AOAH: variants seen among roughly 807,000 people sequenced by gnomAD.
AOAH encodes acyloxyacyl hydrolase (neutrophil).
A neutral mutation model predicts 92.2 loss-of-function variants in AOAH; 64 were observed. That is an observed-to-expected ratio of 0.69 (90% confidence interval 0.57 to 0.86). The LOEUF (loss-of-function observed/expected upper bound fraction) is 0.86. Among genes scored for constraint, AOAH ranks in the 40% least tolerant of loss-of-function variants. The pLI, the probability that AOAH is intolerant of heterozygous loss-of-function variation, is 0.00. For missense variants in AOAH, 656 were observed against 694.6 expected (o/e 0.94, Z 0.62); for synonymous variants, 263 against 254.5 (o/e 1.03, Z -0.32).
At chr7:36,519,395 G>C (rs1045783668) in intron 20 of AOAH, among the ~76,000 whole-genome samples, 14 of 152,162 alleles carry the variant, frequency 9.2e-5, no homozygotes, top group Admixed American at 1.3e-4. Context: ...CACTCTACTA[G>C]CTCATGGTCT....
chr7:36,641,684 C>A (rs979440032), intron 4 of AOAH, among the ~76,000 whole-genome samples: 1 of 152,144 alleles, frequency 6.6e-6, no homozygotes, highest in Non-Finnish European at 1.5e-5. Flanking sequence ...CATTATAACA[C>A]ACTCCCATGC....
At chr7:36,672,537 A>T (rs1162322283) in intron 3 of AOAH, among the ~76,000 whole-genome samples, 3 of 152,152 alleles carry the variant, frequency 2.0e-5, no homozygotes, top group Non-Finnish European at 4.4e-5. Flanking sequence ...ACCAAACACC[A>T]CATGTTCTCA....
chr7:36,660,243 C>T (rs1365415409), intron 3 of AOAH, among the ~76,000 whole-genome samples: 2 of 152,230 alleles, frequency 1.3e-5, no homozygotes, highest in African/African-American at 4.8e-5. Flanking sequence ...GTGGTCTCTT[C>T]ACACGGACGT....
At chr7:36,564,864 G>A (rs1253370905) in intron 13 of AOAH, among the ~76,000 whole-genome samples, 2 of 152,200 alleles carry the variant, frequency 1.3e-5, no homozygotes, top group Non-Finnish European at 2.9e-5. Context: ...AGTAAGCCAG[G>A]AAGAGTTGCA....
chr7:36,617,986 A>G (rs1309576240), intron 10 of AOAH, among the ~76,000 whole-genome samples: 2 of 152,132 alleles, frequency 1.3e-5, no homozygotes, highest in African/African-American at 4.8e-5. Context: ...ATTGCTGCCT[A>G]TTTTCTTATT....
At chr7:36,528,180 C>A (rs1784502545) in intron 19 of AOAH, among the ~76,000 whole-genome samples, 1 of 152,194 alleles carries the variant, frequency 6.6e-6, no homozygotes, top group African/African-American at 2.4e-5. Context: ...AAAACTAGAT[C>A]TTCACATTTA....
chr7:36,583,528 C>T (rs1456782398), intron 12 of AOAH, among the ~76,000 whole-genome samples: 1 of 152,046 alleles, frequency 6.6e-6, no homozygotes, highest in Admixed American at 6.6e-5. Context: ...GAGTGATAAA[C>T]ATACAGAATA....
chr7:36,554,167 G>A (rs1205053238), intron 13 of AOAH, among the ~76,000 whole-genome samples: 1 of 152,216 alleles, frequency 6.6e-6, no homozygotes, highest in Non-Finnish European at 1.5e-5. Flanking sequence ...TGTATAAGGT[G>A]TAAGGAAGGG....
chr7:36,514,500 T>C, intron 20 of AOAH: 1 of 1,535,420 alleles, frequency 6.5e-7, no homozygotes, highest in Non-Finnish European at 8.7e-7. Context: ...CATGTCAGGT[T>C]TCCCTTTATC....
Position 36,593,505 on chromosome 7 carries a change from G to A in AOAH, c.938+834C>T, listed in dbSNP as rs114392354. On this transcript the variant is annotated intron_variant, in intron 12 of 20. Coordinates refer to ENST00000617537, the MANE Select transcript of AOAH (RefSeq NM_001637.4). ...TTCCAGCCTTCTGCCATTTTTGCCTGAGTCAGAGAGGGGCTTCCTAGCTGG... is the reference window on the plus strand; with the variant it reads ...TTCCAGCCTTCTGCCATTTTTGCCTAAGTCAGAGAGGGGCTTCCTAGCTGG... Among the ~76,000 whole-genome samples, 764 of 152,258 alleles carry A rather than the reference G, an allele frequency of 5.0e-3. 10 individuals are homozygous for A. Among genetic ancestry groups the A allele is most frequent in the African/African-American group, 0.018 (744 of 41,556 alleles).
chr7:36,615,894 A>G (rs1020899994), intron 11 of AOAH, among the ~76,000 whole-genome samples: 1 of 115,658 alleles, frequency 8.6e-6, no homozygotes, highest in African/African-American at 3.6e-5. Flanking sequence ...TTTTTTTTTT[A>G]TTAAAAAACC....
Position 36,618,233 on chromosome 7 carries a change from A to C in AOAH, c.751+64T>G, listed in dbSNP as rs1013678262. 8.0e-6 allele frequency: 12 copies of C among 1,496,136 alleles called. No individual in the cohort carries two copies. In the Admixed American group the frequency reaches 2.0e-4, roughly 25 times the overall value. The allele number at this position is 1,496,136 out of a possible 1,614,324, so 92.7% of individuals were successfully genotyped here. On this transcript the variant is annotated intron_variant, in intron 10 of 20. Coordinates refer to ENST00000617537, the MANE Select transcript of AOAH (RefSeq NM_001637.4). The stretch of plus-strand genomic sequence containing the variant: ...CTGACTTAGGTGGTCTGCTCACTTC[A>C]ATTTGACTCAAACTAGAAAAGAATA...
intron 12 of AOAH, among the ~76,000 whole-genome samples, chr7:36,577,235 T>C (rs915777063): frequency 6.6e-6 from 1 of 152,156 alleles, no homozygotes; most frequent in African/African-American, 2.4e-5. Context: ...CTGGGTGAGA[T>C]GAGATGGGAT....
At chr7:36,555,878 T>C (rs1275911680) in intron 13 of AOAH, among the ~76,000 whole-genome samples, 1 of 152,210 alleles carries the variant, frequency 6.6e-6, no homozygotes, top group African/African-American at 2.4e-5. Flanking sequence ...TTCTCTCTTT[T>C]TTCCTTATTA....
chr7:36,555,925 C>CA (rs1554285761), intron 13 of AOAH, among the ~76,000 whole-genome samples: 3 of 152,018 alleles, frequency 2.0e-5, no homozygotes, highest in Non-Finnish European at 4.4e-5. Flanking sequence ...TTGATCCTTT[C>CA]AAAAACCAGC....
intron 20 of AOAH, 75 bp downstream of exon 20, chr7:36,521,963 CA>C: frequency 8.1e-7 from 1 of 1,231,604 alleles, no homozygotes; most frequent in Non-Finnish European, 1.2e-6. Flanking sequence ...AAAATAAACA[CA>C]TGAATGTGTA....
At chr7:36,720,730 A>G (rs549275374) in intron 1 of AOAH, among the ~76,000 whole-genome samples, 1 of 152,112 alleles carries the variant, frequency 6.6e-6, no homozygotes, top group Non-Finnish European at 1.5e-5. Context: ...TTTCCTCTAA[A>G]CTGGACAGTG....
chr7:36,563,088 A>G (rs974843624), intron 13 of AOAH, among the ~76,000 whole-genome samples: 1 of 132,554 alleles, frequency 7.5e-6, no homozygotes, highest in African/African-American at 2.8e-5. Context: ...CGGAGGTTGC[A>G]GTGAGCCGAG....
At chr7:36,515,666 C>G (rs1435178251) in intron 20 of AOAH, among the ~76,000 whole-genome samples, 1 of 134,680 alleles carries the variant, frequency 7.4e-6, no homozygotes, top group African/African-American at 2.9e-5. Flanking sequence ...ACACACCACA[C>G]CCCTCACAAC....
Sources: gnomAD v4.1 joint callset for allele counts (sites outside exome capture counted in the v4.1 genomes callset) on GRCh38, gnomAD v4.1.1 for gene constraint, MANE v1.5 for transcripts, NCBI Gene and HGNC (gene_info 2026-07-23, HGNC 2026-07-21) for gene names.